The following ACO1 variants were observed in gnomAD, a reference collection of about 807,000 sequenced individuals.
ACO1 encodes the protein cytoplasmic aconitate hydratase.
Under a neutral mutation model 105.1 loss-of-function variants are expected in ACO1, and 78 were observed. That is an observed-to-expected ratio of 0.74 (90% CI 0.62 to 0.90). ACO1 has a LOEUF of 0.90. Ranked by LOEUF, ACO1 falls within the 40% of genes least tolerant of loss-of-function variation. ACO1 has a pLI of 0.00. For synonymous variants in ACO1, 364 were observed against 397.4 expected (o/e 0.92, Z 1.00); for missense variants, 965 against 1,111.1 (o/e 0.87, Z 1.87).
intron 4 of ACO1, among the ~76,000 whole-genome samples, chr9:32,413,685 G>A (rs1821790807): frequency 6.6e-6 from 1 of 152,108 alleles, no homozygotes; most frequent in Non-Finnish European, 1.5e-5. Flanking sequence ...AGAAAAACTG[G>A]GTAAGGGGTG....
intron 19 of ACO1, 76 bp from the exon 20 acceptor site, chr9:32,448,820 C>T: frequency 1.3e-6 from 2 of 1,539,880 alleles, no homozygotes; most frequent in Non-Finnish European, 1.8e-6. Flanking sequence ...CCAGCTCTCT[C>T]ACAAAGTCTT....
Position 32,440,548 on chromosome 9 carries a change from C to A in ACO1, c.2331C>A (p.Gly777=). ...TGGCTGGCAAAGAGTACGGTGCAGG[C>A]AGCTCCCGAGACTGGGCAGCTAAGG... ...IVLAGKEYGA[G]SSRDWAAKGP... Residue 777 remains glycine, a synonymous_variant, in exon 19 of 21, where the codon GGC becomes GGA. Coordinates refer to ENST00000309951, the MANE Select transcript of ACO1 (RefSeq NM_002197.3). 6.2e-7 allele frequency: 1 copy of A among 1,614,036 alleles called. No individual in the cohort carries two copies. The highest frequency in any genetic ancestry group is 8.5e-7 in the Non-Finnish European group (1 of 1,179,946).
intron 9 of ACO1, among the ~76,000 whole-genome samples, 177 bp downstream of exon 9, chr9:32,423,596 A>C (rs1741244301): frequency 6.6e-6 from 1 of 152,252 alleles, no homozygotes; most frequent in Admixed American, 6.5e-5. Flanking sequence ...TAAACATAAC[A>C]GAATAATATA....
rs112204673 is a variant in ACO1 at position 32,450,365 on chromosome 9, G to C, written c.*254G>C. 1.2e-3 allele frequency: 663 copies of C among 536,250 alleles called. 3 individuals are homozygous for C. Among genetic ancestry groups the C allele is most frequent in the Non-Finnish European group, 3.4e-4 (97 of 284,884 alleles). 33.2% of individuals were successfully genotyped at this position (536,250 alleles called of 1,614,324 possible). On this transcript the variant is annotated 3_prime_UTR_variant, in exon 21 of 21. Transcript: ENST00000309951. Reference sequence around the variant, plus strand: ...GTGGGAATGTCAGTAGTGCCAGAAAGAGAGAACCAAGCTTGTCTTTAAAGT... The same window carrying C: ...GTGGGAATGTCAGTAGTGCCAGAAACAGAGAACCAAGCTTGTCTTTAAAGT...
intron 14 of ACO1, 72 bp downstream of exon 14, chr9:32,430,646 C>A: frequency 6.8e-7 from 1 of 1,477,712 alleles, no homozygotes; most frequent in Non-Finnish European, 9.1e-7. Flanking sequence ...AAACTGCTTT[C>A]CTTAATAAGA....
rs776583154 is a variant in ACO1 at position 32,384,653 on chromosome 9, C to T, written c.-105C>T. On this transcript the variant is annotated 5_prime_UTR_variant, in exon 1 of 21. Coordinates refer to ENST00000309951, the MANE Select transcript of ACO1 (RefSeq NM_002197.3). ...AGGGGGCGGAGCGTGGAGGCGGCAG[C>T]TGGAACCGCGCAGCGCACGGGAACG... The T allele has an allele frequency of 7.7e-6, 3 of 390,166 alleles. No homozygotes were observed. Among genetic ancestry groups the T allele is most frequent in the African/African-American group, 2.2e-5 (1 of 45,336 alleles). 24.2% of individuals were successfully genotyped at this position (390,166 alleles called of 1,614,324 possible).
intron 2 of ACO1, among the ~76,000 whole-genome samples, chr9:32,406,400 T>C (rs1304390335): frequency 6.6e-6 from 1 of 152,192 alleles, no homozygotes; most frequent in Non-Finnish European, 1.5e-5. Context: ...AGCAGGCAAT[T>C]GATTGAGTCC....
intron 11 of ACO1, among the ~76,000 whole-genome samples, chr9:32,427,075 C>T (rs919239046): frequency 1.3e-5 from 2 of 152,118 alleles, no homozygotes; most frequent in Non-Finnish European, 1.5e-5. Flanking sequence ...TTCTTCATTT[C>T]CTTGCCTAGC....
chr9:32,408,747 A>G (rs1821670899), intron 4 of ACO1, 96 bp downstream of exon 4: 2 of 1,370,314 alleles, frequency 1.5e-6, no homozygotes, highest in African/African-American at 1.5e-5. Flanking sequence ...AAAGAAGAAA[A>G]TCTTTCAAAG....
At chr9:32,387,702 G>A (rs541936595) in intron 1 of ACO1, among the ~76,000 whole-genome samples, 1 of 152,136 alleles carries the variant, frequency 6.6e-6, no homozygotes, top group Non-Finnish European at 1.5e-5. Flanking sequence ...AGGCTTTTTG[G>A]GTTATGGTTA....
chr9:32,415,336 TCA>T (rs1233266988), intron 4 of ACO1, among the ~76,000 whole-genome samples: 1 of 152,232 alleles, frequency 6.6e-6, no homozygotes, highest in African/African-American at 2.4e-5. Context: ...TTGAATGGCC[TCA>T]CAGGGCAGCT....
chr9:32,390,556 C>T (rs993449630), intron 1 of ACO1, among the ~76,000 whole-genome samples: 4 of 151,990 alleles, frequency 2.6e-5, no homozygotes, highest in African/African-American at 4.8e-5. Flanking sequence ...TTTAGCAATG[C>T]GTAATACAAA....
Position 32,453,990 on chromosome 9 carries a change from T to C in ACO1, c.*3879T>C, listed in dbSNP as rs1368300431. On this transcript the variant is annotated 3_prime_UTR_variant, in exon 21 of 21. Coordinates refer to ENST00000309951, the MANE Select transcript of ACO1 (RefSeq NM_002197.3). ...AAATTCGTAGTTTTATTTTACGGCA[T>C]AATGAAACAGAGTTCCAGACATGTA... 1 of 152,234 alleles carries C rather than the reference T, an allele frequency of 6.6e-6. No individual in the cohort carries two copies. Among genetic ancestry groups the C allele is most frequent in the East Asian group, 1.9e-4 (1 of 5,204 alleles). 9.4% of individuals were successfully genotyped at this position (152,234 alleles called of 1,614,324 possible). A position where few individuals can be genotyped will look rare whatever the true frequency, so the allele number is the denominator to read the frequency against.
chr9:32,433,789 C>A lies in ACO1; in HGVS notation c.1913C>A (p.Ser638Tyr). ...TCAGATAAGCTGTTTTTCTGGAATT[C>A]CAAATCTACGTATATCAAATCACCA... ...TPSDKLFFWN[S>Y]KSTYIKSPPF... The change falls in exon 16 of 21, where the codon TCC (serine) becomes TAC (tyrosine). Residue 638 changes from serine to tyrosine, a missense_variant. Physicochemically the swap from Ser to Tyr is moderately radical, Grantham distance 144. Transcript: ENST00000309951. 1 of 1,612,778 alleles carries A rather than the reference C, an allele frequency of 6.2e-7. No individual in the cohort carries two copies. Among genetic ancestry groups the A allele is most frequent in the Non-Finnish European group, 8.5e-7 (1 of 1,179,688 alleles).
intron 1 of ACO1, among the ~76,000 whole-genome samples, chr9:32,393,941 G>A (rs76040088): frequency 0.035 from 5,276 of 152,010 alleles, 124 homozygotes; most frequent in African/African-American, 0.056. Flanking sequence ...TACCCCTACC[G>A]GAATGATCTC....
At chr9:32,421,557 T>C (rs771824264) in intron 8 of ACO1, among the ~76,000 whole-genome samples, 3 of 152,052 alleles carry the variant, frequency 2.0e-5, no homozygotes, top group Non-Finnish European at 4.4e-5. Context: ...GTCTAAAAAA[T>C]GAAATGAGTC....
Position 32,431,811 on chromosome 9 carries a change from G to C in ACO1, c.1819G>C (p.Gly607Arg), listed in dbSNP as rs1162831154. ...AGTGGAGCGTCAGTATGTCATCCCGGGGATGTTTAAGGAAGTCTATCAGAA... is the reference window on the plus strand; with the variant it reads ...AGTGGAGCGTCAGTATGTCATCCCGCGGATGTTTAAGGAAGTCTATCAGAA... ...QAVERQYVIP[G>R]MFKEVYQKIE... Residue 607 changes from glycine to arginine, a missense_variant, in exon 15 of 21, where the codon GGG (glycine) becomes CGG (arginine). Coordinates refer to ENST00000309951, the MANE Select transcript of ACO1 (RefSeq NM_002197.3). 6 of 1,614,142 alleles carry C rather than the reference G, an allele frequency of 3.7e-6. No homozygotes were observed. The highest frequency in any genetic ancestry group is 2.2e-5 in the South Asian group (2 of 91,086).
chr9:32,408,670 T>C lies in ACO1; in HGVS notation c.404+19T>C. 6.2e-7 allele frequency: 1 copy of C among 1,613,218 alleles called. No individual in the cohort carries two copies. ...ACAGAAGGTGAGAGATTAAAACGAA[T>C]ACCTGAGTGTTCTGCTTTGTGCAAA... On this transcript the variant is annotated intron_variant, in intron 4 of 20. Coordinates refer to ENST00000309951, the MANE Select transcript of ACO1 (RefSeq NM_002197.3).
At chr9:32,399,198 A>G (rs1432722599) in intron 1 of ACO1, among the ~76,000 whole-genome samples, 1 of 152,218 alleles carries the variant, frequency 6.6e-6, no homozygotes, top group Non-Finnish European at 1.5e-5. Flanking sequence ...GAGCTGAGGC[A>G]TCCACATTAA....
Sources: allele counts gnomAD v4.1 joint callset (sites outside exome capture counted in the v4.1 genomes callset), GRCh38; gene constraint gnomAD v4.1.1; transcripts MANE v1.5; gene names NCBI Gene and HGNC (gene_info 2026-07-23, HGNC 2026-07-21).